Variants in SLC35F3 observed in about 807,000 individuals in gnomAD.
The protein encoded by SLC35F3 is solute carrier family 35 member F3, also known as putative thiamine transporter SLC35F3.
In SLC35F3, 25 loss-of-function variants were observed where a neutral mutation model predicts 49.9. The observed-to-expected ratio is 0.50, with a 90% CI of 0.37 to 0.70. The LOEUF (loss-of-function observed/expected upper bound fraction) is 0.70. SLC35F3 is among the 30% of genes least tolerant of loss of function. The probability of loss-of-function intolerance (pLI) is 0.00; values close to 1 mark genes in which losing one functional copy is unlikely to be tolerated. For synonymous variants in SLC35F3, 275 were observed against 265.4 expected (o/e 1.04, Z -0.35); for missense variants, 525 against 639.8 (o/e 0.82, Z 1.94).
intron 5 of SLC35F3, among the ~76,000 whole-genome samples, chr1:234,317,975 T>G (rs1657529975): frequency 6.6e-6 from 1 of 152,188 alleles, no homozygotes; most frequent in Non-Finnish European, 1.5e-5. Flanking sequence ...ATTTACTACT[T>G]CCTGAAAGCC....
At chr1:233,955,353 G>A (rs930539994) in intron 2 of SLC35F3, among the ~76,000 whole-genome samples, 1 of 152,050 alleles carries the variant, frequency 6.6e-6, no homozygotes, top group Non-Finnish European at 1.5e-5. Flanking sequence ...CTCTGAAACT[G>A]CTCTTCCTCC....
chr1:233,961,194 C>A (rs555844270), intron 2 of SLC35F3, among the ~76,000 whole-genome samples: 1 of 152,254 alleles, frequency 6.6e-6, no homozygotes, highest in South Asian at 2.1e-4. Context: ...ATATAACCTA[C>A]GAGTATCCGC....
intron 2 of SLC35F3, among the ~76,000 whole-genome samples, chr1:234,147,328 T>C (rs1258029219): frequency 6.6e-6 from 1 of 151,690 alleles, no homozygotes; most frequent in Non-Finnish European, 1.5e-5. Context: ...ATTTTCTGCA[T>C]CCAACTTGCT....
intron 2 of SLC35F3, among the ~76,000 whole-genome samples, chr1:234,149,351 C>T (rs902209154): frequency 2.6e-5 from 4 of 152,186 alleles, no homozygotes; most frequent in African/African-American, 7.2e-5. Flanking sequence ...AATCTGGATG[C>T]GTAATCTTTC....
chr1:234,071,936 C>A (rs1558221368), intron 2 of SLC35F3, among the ~76,000 whole-genome samples: 2 of 152,192 alleles, frequency 1.3e-5, no homozygotes, highest in Non-Finnish European at 1.5e-5. Context: ...CAATTGGCAC[C>A]ATTTACTGGC....
intron 2 of SLC35F3, among the ~76,000 whole-genome samples, chr1:233,990,167 TTAAAA>T (rs1021518520): frequency 2.6e-5 from 4 of 152,218 alleles, no homozygotes; most frequent in Non-Finnish European, 4.4e-5. Flanking sequence ...TTTTCATCCT[TTAAAA>T]TATATGTTTT....
At chr1:234,057,382 A>G (rs1318514523) in intron 2 of SLC35F3, among the ~76,000 whole-genome samples, 5 of 152,124 alleles carry the variant, frequency 3.3e-5, no homozygotes. Context: ...CATTTGTTGA[A>G]TTTATTCCAC....
chr1:234,214,582 G>A lies in SLC35F3; in HGVS notation c.284-16835G>A. 1.3e-6 allele frequency: 2 copies of A among 1,534,154 alleles called. No individual in the cohort carries two copies. The highest frequency in any genetic ancestry group is 1.8e-6 in the Non-Finnish European group (2 of 1,141,746). On this transcript the variant is annotated intron_variant, in intron 2 of 7. Coordinates refer to ENST00000366618, the MANE Select transcript of SLC35F3 (RefSeq NM_173508.4). This position sits in a 1 kb window ranked among gnomAD's most constrained non-coding sequence, Gnocchi z 8.0. ...CCCTTACCAAAGTGGAAGGTAATGC[G>A]CGGCCGCCTCGCCCCGGGGGTCCCT...
rs6672974 is a variant in SLC35F3, at chr1:234,293,497, C to T, written c.609-15604C>T. On this transcript the variant is annotated intron_variant, in intron 3 of 7. Transcript: ENST00000366618. ...CTATGCATGTCTCTGATCCGCATCA[C>T]ATGCAGGGCCAGGGAGCACACATTT... Among the ~76,000 whole-genome samples the T allele has an allele frequency of 8.6e-3, 1,310 of 152,364 alleles. 14 individuals carry two copies. Among genetic ancestry groups the T allele is most frequent in the African/African-American group, 0.03 (1,247 of 41,580 alleles).
Position 234,320,641 on chromosome 1 carries a change from T to C in SLC35F3, c.1237+454T>C, listed in dbSNP as rs566241277. On this transcript the variant is annotated intron_variant, in intron 7 of 7. Transcript: ENST00000366618. The surrounding 1 kb of genome is among the most constrained non-coding windows in gnomAD (Gnocchi z 4.8). The stretch of plus-strand genomic sequence containing the variant: ...TGGGGGAGAAAATTTGCTCAAGGCA[T>C]GAGGTAGAAACATGCTGACAAGCTG... Among the ~76,000 whole-genome samples the C allele has an allele frequency of 1.9e-4, 29 of 152,274 alleles. No homozygotes were observed. Among genetic ancestry groups the C allele is most frequent in the African/African-American group, 6.7e-4 (28 of 41,550 alleles).
intron 3 of SLC35F3, chr1:234,274,313 G>A (rs1027353776): frequency 6.6e-6 from 1 of 152,212 alleles, no homozygotes; most frequent in African/African-American, 2.4e-5. Flanking sequence ...GGTTTTTGTG[G>A]ATTGTTCGTT....
Position 233,905,040 on chromosome 1 carries a change from C to G in SLC35F3, c.-38C>G. 6.5e-7 allele frequency: 1 copy of G among 1,547,792 alleles called. No individual in the cohort carries two copies. Among genetic ancestry groups the G allele is most frequent in the Non-Finnish European group, 8.7e-7 (1 of 1,145,340 alleles). On this transcript the variant is annotated 5_prime_UTR_variant, in exon 1 of 8. Transcript: ENST00000366618. ...GCTCCGGCCCGCGGCCCCTCCGCCT[C>G]AAGTCTGGGAGCTGCCGGTCCCACT...
intron 2 of SLC35F3, among the ~76,000 whole-genome samples, chr1:234,228,386 C>G (rs914896096): frequency 6.6e-6 from 1 of 152,220 alleles, no homozygotes; most frequent in Admixed American, 6.5e-5. Context: ...GTCAGAATCT[C>G]TATTTTACAC....
chr1:233,964,212 G>GTGAA (rs1414991634), intron 2 of SLC35F3, among the ~76,000 whole-genome samples: 2 of 152,178 alleles, frequency 1.3e-5, no homozygotes, highest in African/African-American at 2.4e-5. Flanking sequence ...GTGTGGAAGA[G>GTGAA]TGAAAATCCT....
At chr1:234,232,257 A>T (rs1374911953) in intron 3 of SLC35F3, among the ~76,000 whole-genome samples, 1 of 152,188 alleles carries the variant, frequency 6.6e-6, no homozygotes, top group Non-Finnish European at 1.5e-5. Context: ...TGATGGTCAA[A>T]ACCAAAGCAG....
intron 2 of SLC35F3, among the ~76,000 whole-genome samples, chr1:234,078,293 G>C (rs555795666): frequency 6.6e-6 from 1 of 152,108 alleles, no homozygotes; most frequent in East Asian, 1.9e-4. Context: ...AGCACCCACT[G>C]TTTCTCTCCA....
chr1:234,123,902 G>T (rs1452842565), intron 2 of SLC35F3, among the ~76,000 whole-genome samples: 1 of 152,172 alleles, frequency 6.6e-6, no homozygotes, highest in Non-Finnish European at 1.5e-5. Context: ...CATTTGTTCT[G>T]GAAGAGACAG....
intron 2 of SLC35F3, among the ~76,000 whole-genome samples, chr1:234,083,955 A>G (rs1454597329): frequency 1.3e-5 from 2 of 151,004 alleles, no homozygotes; most frequent in African/African-American, 4.9e-5. Context: ...CTCCTGCCTC[A>G]GCCTCCTGAG....
chr1:234,051,459 G>A (rs541663993), intron 2 of SLC35F3, among the ~76,000 whole-genome samples: 1 of 152,086 alleles, frequency 6.6e-6, no homozygotes, highest in Non-Finnish European at 1.5e-5. Flanking sequence ...TTGGTGTATA[G>A]GAATGCTTGT....
Sources: gnomAD v4.1 joint callset for allele counts (sites outside exome capture counted in the v4.1 genomes callset) on GRCh38, gnomAD v4.1.1 for gene constraint, Gnocchi (gnomAD v3.1) non-coding constraint, MANE v1.5 for transcripts, NCBI Gene and HGNC (gene_info 2026-07-23, HGNC 2026-07-21) for gene names.